The following OBSL1 variants were observed in gnomAD, a reference collection of about 807,000 sequenced individuals.
The protein encoded by OBSL1 is obscurin-like protein 1.
A neutral mutation model predicts 172.0 loss-of-function variants in OBSL1; 160 were observed. The observed-to-expected ratio is 0.93, with a 90% CI of 0.82 to 1.06. The LOEUF (loss-of-function observed/expected upper bound fraction) is 1.06, where lower values mean the gene tolerates loss of function less well. OBSL1 is among the 50% of genes least tolerant of loss of function. The probability of loss-of-function intolerance (pLI) is 0.00; values close to 1 mark genes in which losing one functional copy is unlikely to be tolerated. For synonymous variants in OBSL1, 1,200 were observed against 1,196.3 expected (o/e 1.00, Z -0.06); for missense variants, 2,681 against 2,715.4 (o/e 0.99, Z 0.28).
chr2:219,562,261 T>C lies in OBSL1; in HGVS notation c.2953+141A>G, dbSNP rs2106064537. 4 of 1,042,698 alleles carry C rather than the reference T, an allele frequency of 3.8e-6. No homozygotes were observed. In the East Asian group the frequency reaches 9.9e-5, roughly 26 times the overall value. The allele number at this position is 1,042,698 out of a possible 1,614,324, so 64.6% of individuals were successfully genotyped here. On this transcript the variant is annotated intron_variant, in intron 8 of 20. Transcript: ENST00000404537. ...GTTTCCTTGAATAGGGGCCCTGGGCTCATCTCAGCAAGAACCCTGGCACAT... is the reference window on the plus strand; with the variant it reads ...GTTTCCTTGAATAGGGGCCCTGGGCCCATCTCAGCAAGAACCCTGGCACAT...
At chr2:219,565,644 A>G (rs1182401711) in intron 5 of OBSL1, 130 bp from the exon 6 acceptor site, 2 of 828,508 alleles carry the variant, frequency 2.4e-6, no homozygotes, top group Non-Finnish European at 3.7e-6. Flanking sequence ...ACCAACCCTT[A>G]AGAGCAGTGC....
rs949874608 is a variant in OBSL1, at chr2:219,558,140, G to A, written c.3503-30C>T. ...AGAAGAGAGGAAGGTGTCATCCCATGCTTGCCCTTGCCTCCCTGCCCTGGG... is the reference window on the plus strand; with the variant it reads ...AGAAGAGAGGAAGGTGTCATCCCATACTTGCCCTTGCCTCCCTGCCCTGGG... On this transcript the variant is annotated intron_variant, in intron 10 of 20. Coordinates refer to ENST00000404537, the MANE Select transcript of OBSL1 (RefSeq NM_015311.3). The A allele has an allele frequency of 4.3e-6, 7 of 1,611,226 alleles. No homozygotes were observed. The East Asian group carries it at 6.7e-5, about 15-fold the overall frequency.
chr2:219,552,338 G>T (rs762484441), intron 18 of OBSL1, 122 bp from the exon 19 acceptor site: 1 of 985,212 alleles, frequency 1.0e-6, no homozygotes, highest in Non-Finnish European at 1.5e-6. Flanking sequence ...TAGGGTGGGC[G>T]GAACAGGGAT....
chr2:219,567,232 G>T, intron 4 of OBSL1, 41 bp downstream of exon 4: 1 of 1,565,198 alleles, frequency 6.4e-7, no homozygotes, highest in East Asian at 2.3e-5. Context: ...GGCTGGGGAA[G>T]GGAGGAGAAG....
At position 219,565,241 on chromosome 2, in the gene OBSL1, C is replaced by A. The variant is rs1179612036; in HGVS notation, c.2407+1G>T. 6.2e-7 allele frequency: 1 copy of A among 1,607,466 alleles called. No individual in the cohort carries two copies. The highest frequency in any genetic ancestry group is 8.5e-7 in the Non-Finnish European group (1 of 1,176,026). On this transcript the variant is annotated splice_donor_variant, in intron 6 of 20. Coordinates refer to ENST00000404537, the MANE Select transcript of OBSL1 (RefSeq NM_015311.3). LOFTEE classifies it high-confidence loss of function. ...GAGCCCAGGCTGGCATGCTTCCTGA[C>A]CTTGGACAGTGACGCCGAAGAAGGC...
chr2:219,549,226 C>G, downstream of OBSL1: 1 of 1,614,008 alleles, frequency 6.2e-7, no homozygotes, highest in Non-Finnish European at 8.5e-7. Context: ...GGAGAAAAGG[C>G]GGAAAAAGAG....
At position 219,556,547 on chromosome 2, in the gene OBSL1, T is replaced by TC. The variant is rs745489388; in HGVS notation, c.4242_4243insG (p.Ile1415AspfsTer139). 1 of 1,613,790 alleles carries TC rather than the reference T, an allele frequency of 6.2e-7. No homozygotes were observed. The highest frequency in any genetic ancestry group is 1.3e-5 in the African/African-American group (1 of 74,898). The stretch of plus-strand genomic sequence containing the variant: ...AGTTGGCAGCCTCGCAAGGTTAAGA[T>TC]GCGGCTTGAACCATTCTGGGCCATC... On this transcript the variant is annotated frameshift_variant, in exon 13 of 21. Transcript: ENST00000404537. LOFTEE classifies it high-confidence loss of function.
rs1306500448 is a variant in OBSL1 at position 219,571,265 on chromosome 2, TGGGGGGGCAG to T, written c.-43_-34del. On this transcript the variant is annotated 5_prime_UTR_variant, in exon 1 of 21. Transcript: ENST00000404537. ...GCCGACCGCCTGCAGCGGCGAACGG[TGGGGGGGCAG>T]GGGGGGGTGCGGAGGGCGAGCCGAG... 6.6e-6 allele frequency: 5 copies of T among 756,176 alleles called. No individual in the cohort carries two copies. The highest frequency in any genetic ancestry group is 8.6e-6 in the Non-Finnish European group (5 of 583,110). 46.8% of individuals were successfully genotyped at this position (756,176 alleles called of 1,614,324 possible).
In OBSL1 at chr2:219,552,617, ACACGGTG is replaced by A; in HGVS notation, c.5220_5226del (p.Thr1741ArgfsTer16). On this transcript the variant is annotated frameshift_variant, in exon 18 of 21. Transcript: ENST00000404537. LOFTEE classifies it high-confidence loss of function. ...CAGCGCCCCGTGGTCTCGACCTCCG[ACACGGTG>A]CACTCGAACGTAGCGCCGTCGCCTT... 1 of 1,572,552 alleles carries A rather than the reference ACACGGTG, an allele frequency of 6.4e-7. No homozygotes were observed. The highest frequency in any genetic ancestry group is 8.6e-7 in the Non-Finnish European group (1 of 1,165,538).
Position 219,556,073 on chromosome 2 carries a change from G to A in OBSL1, c.4556C>T (p.Thr1519Ile). 2 of 1,613,806 alleles carry A rather than the reference G, an allele frequency of 1.2e-6. No individual in the cohort carries two copies. The highest frequency in any genetic ancestry group is 1.1e-5 in the South Asian group (1 of 91,086). The change falls in exon 14 of 21, where the codon ACC (threonine) becomes ATC (isoleucine). Residue 1519 changes from threonine (T) to isoleucine (I), a missense_variant. By Grantham distance (89) the Thr-to-Ile change is moderately conservative. This residue lies in a region of OBSL1 where 1,765 missense variants were observed against 1,748.3 expected (regional missense o/e 1.01). Coordinates refer to ENST00000404537, the MANE Select transcript of OBSL1 (RefSeq NM_015311.3). Reference protein sequence around the residue: ...IHGVILADQGTYGCESHHDRT... With the variant: ...IHGVILADQGIYGCESHHDRT... ...ATCGTGGTGGCTCTCGCAGCCGTAG[G>A]TGCCCTGGTCGGCCAGTATGACACC...
At position 219,567,202 on chromosome 2, in the gene OBSL1, G is replaced by A. The variant is rs913939338; in HGVS notation, c.1837+71C>T. ...GCAGAGGCTGGCGGATGGCAAGCCTGTGAGAGGACCAGCACTGAGGGCTGG... is the reference window on the plus strand; with the variant it reads ...GCAGAGGCTGGCGGATGGCAAGCCTATGAGAGGACCAGCACTGAGGGCTGG... On this transcript the variant is annotated intron_variant, in intron 4 of 20. Transcript: ENST00000404537. 1.9e-6 allele frequency: 3 copies of A among 1,561,064 alleles called. No homozygotes were observed. The African/African-American group carries it at 4.0e-5, about 21-fold the overall frequency.
At chr2:219,550,347 C>T (rs1022081612), downstream of OBSL1, 5 of 190,558 alleles carry the variant, frequency 2.6e-5, no homozygotes, top group African/African-American at 9.4e-5. Flanking sequence ...ATGGGGCAAA[C>T]TGTAGCATCC....
rs1186660576 is a variant in OBSL1, at chr2:219,558,101, A to G, written c.3512T>C (p.Val1171Ala). The change falls in exon 11 of 21, where the codon GTG becomes GCG. Residue 1171 changes from valine (V) to alanine (A), a missense_variant. Around this residue, in one of 5 missense-constraint regions of OBSL1, gnomAD observed 1,765 missense variants for 1,748.3 expected, o/e 1.01. Coordinates refer to ENST00000404537, the MANE Select transcript of OBSL1 (RefSeq NM_015311.3). ...AGTTGTCTCTAGAGCAAGGAACTGC[A>G]CTGGAGGCTCTGGAGAAGAGAGGAA... ...TFNVILAEPPVQFLALETTPS... is the reference protein window; with the variant it reads ...TFNVILAEPPAQFLALETTPS... 3.1e-6 allele frequency: 5 copies of G among 1,613,506 alleles called. No homozygotes were observed. Among genetic ancestry groups the G allele is most frequent in the Non-Finnish European group, 4.2e-6 (5 of 1,179,738 alleles).
chr2:219,552,135 G>A lies in OBSL1; in HGVS notation c.5390C>T (p.Ser1797Phe). 1 of 1,611,284 alleles carries A rather than the reference G, an allele frequency of 6.2e-7. No individual in the cohort carries two copies. The highest frequency in any genetic ancestry group is 8.5e-7 in the Non-Finnish European group (1 of 1,179,146). ...EVRFQAGPAQSLALLEVEALP... is the reference protein window; with the variant it reads ...EVRFQAGPAQFLALLEVEALP... ...ACCCTCCACTTCCAGTAGAGCCAGG[G>A]ACTGGGCGGGCCCCGCCTGGAAGCG... is the stretch of plus-strand genomic sequence containing the variant. The change falls in exon 19 of 21, where the codon TCC becomes TTC. Residue 1797 changes from serine (S) to phenylalanine (F), a missense_variant. Physicochemically the swap from Ser to Phe is radical, Grantham distance 155. Around this residue, in one of 5 missense-constraint regions of OBSL1, gnomAD observed 1,765 missense variants for 1,748.3 expected, o/e 1.01. Transcript: ENST00000404537.
chr2:219,564,701 G>A (rs1037552726), intron 6 of OBSL1, among the ~76,000 whole-genome samples: 4 of 152,234 alleles, frequency 2.6e-5, no homozygotes, highest in Non-Finnish European at 5.9e-5. Context: ...CTGCTCAGGA[G>A]GCTGAGGAAG....
rs374188902 is a variant in OBSL1 at position 219,559,447 on chromosome 2, C to A, written c.3004G>T (p.Val1002Leu). 1.2e-6 allele frequency: 2 copies of A among 1,613,474 alleles called. No individual in the cohort carries two copies. The highest frequency in any genetic ancestry group is 8.5e-7 in the Non-Finnish European group (1 of 1,179,708). The change falls in exon 9 of 21, where the codon GTG becomes TTG. Residue 1002 changes from valine to leucine, a missense_variant. Val to Leu is a conservative substitution (Grantham distance 32). Transcript: ENST00000404537. The stretch of plus-strand genomic sequence containing the variant: ...ATCAGCACCACACACTCCAAGGTCA[C>A]GGCGATCAAGGTCACCTCATCGCGA... ...YPRDEVTLIAVTLECVVLMCE... is the reference protein window; with the variant it reads ...YPRDEVTLIALTLECVVLMCE...
chr2:219,557,425 C>G lies in OBSL1; in HGVS notation c.3984G>C (p.Val1328=). ...EQAGARQVLR[V]QGARSGDAGE... is the part of the protein sequence containing the mutation. ...CAGCGTCCCCGCTCCGTGCCCCCTG[C>G]ACCCGCAGCACCTGCCTGGCCCCGG... The change falls in exon 12 of 21, where the codon GTG becomes GTC. Residue 1328 remains valine (V), a synonymous_variant. Coordinates refer to ENST00000404537, the MANE Select transcript of OBSL1 (RefSeq NM_015311.3). 6.5e-7 allele frequency: 1 copy of G among 1,548,630 alleles called. No homozygotes were observed. Among genetic ancestry groups the G allele is most frequent in the Non-Finnish European group, 8.7e-7 (1 of 1,146,836 alleles).
Position 219,553,674 on chromosome 2 carries a change from GTCA to G in OBSL1, c.4886_4888del (p.Val1629_Thr1630delinsAla). The G allele has an allele frequency of 6.2e-7, 1 of 1,613,162 alleles. No individual in the cohort carries two copies. Among genetic ancestry groups the G allele is most frequent in the East Asian group, 2.2e-5 (1 of 44,858 alleles). ...TAGGTCGTGTGGCCCCCGCACGATG[GTCA>G]CTGGGACCTCTGGGGGTGGGAGAGG... is the stretch of plus-strand genomic sequence containing the variant. On this transcript the variant is annotated inframe_deletion, in exon 16 of 21. Transcript: ENST00000404537.
intron 20 of OBSL1, 164 bp from the exon 21 acceptor site, chr2:219,551,006 G>T (rs919817196): frequency 1.3e-6 from 2 of 1,489,122 alleles, no homozygotes; most frequent in Non-Finnish European, 1.8e-6. Context: ...GAAGGTGGGG[G>T]TCAGCTAGGG....
Sources: allele counts gnomAD v4.1 joint callset (sites outside exome capture counted in the v4.1 genomes callset), GRCh38; gene constraint gnomAD v4.1.1; regional missense constraint gnomAD v4.1.1; transcripts MANE v1.5; gene names NCBI Gene and HGNC (gene_info 2026-07-23, HGNC 2026-07-21).